Variants in CPXM2 observed in about 807,000 individuals in gnomAD.
The protein encoded by CPXM2 is inactive carboxypeptidase-like protein X2.
Under a neutral mutation model 86.1 loss-of-function variants are expected in CPXM2, and 66 were observed. That is an observed-to-expected ratio of 0.77 (90% confidence interval 0.63 to 0.94). The LOEUF (loss-of-function observed/expected upper bound fraction) is 0.94, where lower values mean the gene tolerates loss of function less well. Ranked by LOEUF, CPXM2 falls within the 40% of genes least tolerant of loss-of-function variation. The pLI, the probability that CPXM2 is intolerant of heterozygous loss-of-function variation, is 0.00. For missense variants in CPXM2, 948 were observed against 1,026.3 expected (o/e 0.92, Z 1.04); for synonymous variants, 388 against 400.2 (o/e 0.97, Z 0.36).
At chr10:123,860,773 C>T (rs566734514) in intron 3 of CPXM2, among the ~76,000 whole-genome samples, 1 of 121,054 alleles carries the variant, frequency 8.3e-6, no homozygotes, top group Non-Finnish European at 1.7e-5. Context: ...GCTTTGCGGG[C>T]TCATGTGTTC....
intron 13 of CPXM2, chr10:123,751,680 C>T (rs1257275885): frequency 1.0e-6 from 1 of 985,272 alleles, no homozygotes; most frequent in East Asian, 1.1e-4. Flanking sequence ...TTTAATACCC[C>T]TGTTTATTTT....
intron 7 of CPXM2, among the ~76,000 whole-genome samples, chr10:123,772,481 C>A (rs1202744466): frequency 7.0e-6 from 1 of 143,500 alleles, no homozygotes; most frequent in Admixed American, 6.9e-5. Flanking sequence ...GGTTATCACT[C>A]CCCTGGTTGC....
At chr10:123,896,860 C>T (rs2134257098), upstream of CPXM2, among the ~76,000 whole-genome samples, 1 of 152,316 alleles carries the variant, frequency 6.6e-6, no homozygotes, top group Admixed American at 6.5e-5. Context: ...CACATTTGAC[C>T]TTTGTAAGCT....
rs1305881784 is a variant in CPXM2 at position 123,818,049 on chromosome 10, A to G, written c.654-18850T>C. Among the ~76,000 whole-genome samples the G allele has an allele frequency of 2.0e-5, 3 of 152,186 alleles. No homozygotes were observed. The East Asian group carries it at 5.8e-4, about 29-fold the overall frequency. On this transcript the variant is annotated intron_variant, in intron 4 of 13. Transcript: ENST00000241305. ...AAGCATGATTAGAAAGTTGGTGAAGAGAGGAAGAAATTTCGGGAGGAGGTA... is the reference window on the plus strand; with the variant it reads ...AAGCATGATTAGAAAGTTGGTGAAGGGAGGAAGAAATTTCGGGAGGAGGTA...
At chr10:123,860,140 G>C (rs1171318317) in intron 3 of CPXM2, among the ~76,000 whole-genome samples, 1 of 152,196 alleles carries the variant, frequency 6.6e-6, no homozygotes, top group Non-Finnish European at 1.5e-5. Flanking sequence ...AAGGTTCAGA[G>C]AGAGACCCAG....
chr10:123,943,939 C>T (rs1945800566), upstream of CPXM2, among the ~76,000 whole-genome samples: 1 of 152,202 alleles, frequency 6.6e-6, no homozygotes, highest in Non-Finnish European at 1.5e-5. Context: ...TGAGGCTAAA[C>T]AGGTCCTTTG....
At chr10:123,929,619 C>A (rs891016976) in intron 2 of CPXM2, among the ~76,000 whole-genome samples, 4 of 152,054 alleles carry the variant, frequency 2.6e-5, no homozygotes, top group Admixed American at 6.5e-5. Context: ...TGGCCAGAGT[C>A]CTCATTTCTG....
At chr10:123,803,478 C>T (rs887117397) in intron 4 of CPXM2, among the ~76,000 whole-genome samples, 3 of 151,830 alleles carry the variant, frequency 2.0e-5, no homozygotes, top group South Asian at 2.1e-4. Flanking sequence ...TTCTTTATGG[C>T]TTTCAGTATT....
At position 123,761,957 on chromosome 10, in the gene CPXM2, GTC is replaced by G; in HGVS notation, c.1690_1691del (p.Asp564ArgfsTer50). On this transcript the variant is annotated frameshift_variant, in exon 11 of 14. Coordinates refer to ENST00000241305, the MANE Select transcript of CPXM2 (RefSeq NM_198148.3). LOFTEE classifies it high-confidence loss of function. ...SYASTHRLMTDARRRVCHTED... is the reference protein window; with the variant it reads ...SYASTHRLMTXARRRVCHTED... ...CCGTGTGGCACACCCTCCTCCGGGCGTCTGTCATGAGGCGGTGTGTGGAGGCA... is the reference window on the plus strand; with the variant it reads ...CCGTGTGGCACACCCTCCTCCGGGCGTGTCATGAGGCGGTGTGTGGAGGCA... 1 of 1,613,794 alleles carries G rather than the reference GTC, an allele frequency of 6.2e-7. No individual in the cohort carries two copies. Among genetic ancestry groups the G allele is most frequent in the Non-Finnish European group, 8.5e-7 (1 of 1,179,852 alleles).
chr10:123,753,507 T>C lies in CPXM2; in HGVS notation c.2017+1156A>G, dbSNP rs146764861. Among the ~76,000 whole-genome samples, 1,203 of 152,298 alleles carry C rather than the reference T, an allele frequency of 7.9e-3. 15 individuals are homozygous for C. Among genetic ancestry groups the C allele is most frequent in the African/African-American group, 0.027 (1,134 of 41,554 alleles). On this transcript the variant is annotated intron_variant, in intron 13 of 13. Transcript: ENST00000241305. ...CTTAACCATCAGTGGGTCACTGCCC[T>C]CCTTGAGCTTCTGTTTTTCACCTGA...
At position 123,891,242 on chromosome 10, in the gene CPXM2, A is replaced by G; in HGVS notation, c.304+114T>C. On this transcript the variant is annotated intron_variant, in intron 1 of 13. Transcript: ENST00000241305. This position sits in a 1 kb window ranked among gnomAD's most constrained non-coding sequence, Gnocchi z 5.6. The stretch of plus-strand genomic sequence containing the variant: ...TAGGGAGGCAGAGGCGGCAACAGGG[A>G]GATTCCCGGGACTGGCCCATCCCAG... The G allele has an allele frequency of 1.1e-6, 1 of 890,400 alleles. No homozygotes were observed. Among genetic ancestry groups the G allele is most frequent in the South Asian group, 1.9e-5 (1 of 52,876 alleles). 55.2% of individuals were successfully genotyped at this position (890,400 alleles called of 1,614,324 possible).
upstream of CPXM2, among the ~76,000 whole-genome samples, chr10:123,940,719 T>C (rs1945767192): frequency 6.6e-6 from 1 of 152,126 alleles, no homozygotes; most frequent in African/African-American, 2.4e-5. Context: ...GCACTTGCCT[T>C]TCTGGGACCA....
At position 123,832,826 on chromosome 10, in the gene CPXM2, T is replaced by TA. The variant is rs537178892; in HGVS notation, c.653+9522dup. On this transcript the variant is annotated intron_variant, in intron 4 of 13. Coordinates refer to ENST00000241305, the MANE Select transcript of CPXM2 (RefSeq NM_198148.3). ...TGGGCAACAAGAGCAAAACTCTGTC[T>TA]AAAAAAAAAAAGAAGTGGGTCTTTG... Among the ~76,000 whole-genome samples, 36 of 133,528 alleles carry TA rather than the reference T, an allele frequency of 2.7e-4. 1 individual carries two copies. Among genetic ancestry groups the TA allele is most frequent in the South Asian group, 7.2e-4 (3 of 4,138 alleles). 87.6% of individuals were successfully genotyped at this position (133,528 alleles called of 152,430 possible).
intron 3 of CPXM2, among the ~76,000 whole-genome samples, chr10:123,856,601 T>G (rs909014007): frequency 1.5e-4 from 22 of 145,712 alleles, no homozygotes; most frequent in African/African-American, 5.2e-4. Context: ...CTTTTTTTTG[T>G]TTTTTTTTGA....
chr10:123,821,771 G>T (rs767293934), intron 4 of CPXM2, among the ~76,000 whole-genome samples: 15 of 152,160 alleles, frequency 9.9e-5, no homozygotes, highest in Non-Finnish European at 1.5e-4. Flanking sequence ...CTCCTAAAAT[G>T]CATTAGACAG....
At chr10:123,922,563 G>A (rs184042089) in intron 2 of CPXM2, among the ~76,000 whole-genome samples, 1 of 152,320 alleles carries the variant, frequency 6.6e-6, no homozygotes, top group African/African-American at 2.4e-5. Flanking sequence ...CAGCCAGCTT[G>A]CACCTGTGGC....
chr10:123,900,763 G>A (rs1357272521), intron 2 of CPXM2, among the ~76,000 whole-genome samples: 1 of 152,148 alleles, frequency 6.6e-6, no homozygotes, highest in East Asian at 1.9e-4. Flanking sequence ...TAGCTGAAAA[G>A]CATTTTTTAT....
intron 2 of CPXM2, among the ~76,000 whole-genome samples, chr10:123,866,106 A>C (rs1395555750): frequency 6.6e-6 from 1 of 151,888 alleles, no homozygotes; most frequent in Admixed American, 6.6e-5. Flanking sequence ...CACCTTCCCC[A>C]GGGCAGTCTT....
intron 2 of CPXM2, among the ~76,000 whole-genome samples, chr10:123,934,737 G>A (rs114249176): frequency 0.13 from 19,148 of 151,904 alleles, 1,581 homozygotes; most frequent in East Asian, 0.41. Context: ...ATCCACATCC[G>A]CCCCACCCAC....
Sources: allele counts gnomAD v4.1 joint callset (sites outside exome capture counted in the v4.1 genomes callset), GRCh38; gene constraint gnomAD v4.1.1; non-coding constraint Gnocchi (gnomAD v3.1); transcripts MANE v1.5; gene names NCBI Gene and HGNC (gene_info 2026-07-23, HGNC 2026-07-21).